USP9Y: variants seen among roughly 807,000 people sequenced by gnomAD.
USP9Y encodes the protein ubiquitin specific peptidase 9 Y-linked, also known as ubiquitin carboxyl-terminal hydrolase 9Y.
In USP9Y, 41 loss-of-function variants were observed where a neutral mutation model predicts 53.1. The ratio of observed to expected loss-of-function variants is 0.77; its 90% CI spans 0.60 to 1.00. USP9Y has a LOEUF of 1.00. USP9Y is among the 50% of genes least tolerant of loss of function. USP9Y has a pLI of 0.00. For synonymous variants in USP9Y, 220 were observed against 173.7 expected, an observed-to-expected ratio of 1.27 and a Z score of -2.09; for missense variants, 567 against 535.8, an observed-to-expected ratio of 1.06 and a Z score of -0.58.
intron 12 of USP9Y, among the ~76,000 whole-genome samples, chrY:12,755,680 C>A (rs746317868): frequency 0.011 from 365 of 33,494 alleles, no homozygotes; most frequent in Non-Finnish European, 7.6e-3. Flanking sequence ...TAACATCTGT[C>A]GTTTTTGTGT....
intron 15 of USP9Y, among the ~76,000 whole-genome samples, chrY:12,761,567 A>G: frequency 3.0e-5 from 1 of 33,344 alleles, no homozygotes; most frequent in African/African-American, 1.2e-4. Context: ...TAGGCTTTCT[A>G]CATGTATAGT....
At chrY:12,785,364 C>T in intron 22 of USP9Y, among the ~76,000 whole-genome samples, 1 of 32,976 alleles carries the variant, frequency 3.0e-5, no homozygotes, top group Non-Finnish European at 7.5e-5. Context: ...TAATATAGTG[C>T]GGTTTGTGTA....
intron 12 of USP9Y, among the ~76,000 whole-genome samples, chrY:12,751,161 C>T: frequency 9.6e-5 from 3 of 31,293 alleles, no homozygotes; most frequent in African/African-American, 3.8e-4. Flanking sequence ...GTGCCTGCAA[C>T]CATGCCTGGC....
chrY:12,859,151 CT>C (rs2053580783), intron 45 of USP9Y, 127 bp from the exon 46 acceptor site: 9 of 93,597 alleles, frequency 9.6e-5, no homozygotes, highest in South Asian at 4.7e-4. Context: ...ATTGTAAGTT[CT>C]TTTTTTTTTT....
intron 33 of USP9Y, 45 bp downstream of exon 33, chrY:12,818,655 A>G: frequency 1.5e-5 from 5 of 323,721 alleles, no homozygotes; most frequent in Non-Finnish European, 2.3e-5. Context: ...AAAAACCTCA[A>G]TACAGTAAAC....
Position 12,860,300 on chromosome Y carries a change from A to G in USP9Y, c.*884A>G, listed in dbSNP as rs2053582988. 1 of 33,209 alleles carries G rather than the reference A, an allele frequency of 3.0e-5. No individual in the cohort carries two copies. Among genetic ancestry groups the G allele is most frequent in the South Asian group, 6.6e-4 (1 of 1,511 alleles). 8.3% of individuals were successfully genotyped at this position (33,209 alleles called of 400,897 possible). On this transcript the variant is annotated 3_prime_UTR_variant, in exon 46 of 46. Transcript: ENST00000338981. ...TTTAAAATATTAAAACCAATACACA[A>G]AATTTTCCTATGTCAGAATGTGGTG...
At chrY:12,727,443 C>T (rs552404546) in intron 7 of USP9Y, among the ~76,000 whole-genome samples, 75 of 33,023 alleles carry the variant, frequency 2.3e-3, no homozygotes, top group African/African-American at 8.0e-3. Flanking sequence ...AATCTAATTA[C>T]ACATCAAAAA....
At chrY:12,736,675 C>A in intron 10 of USP9Y, 126 bp downstream of exon 10, 1 of 152,045 alleles carries the variant, frequency 6.6e-6, no homozygotes, top group Non-Finnish European at 1.1e-5. Flanking sequence ...ATTGTAAGAT[C>A]TTTTTATAAT....
chrY:12,822,623 C>A (rs2053542884), intron 33 of USP9Y, among the ~76,000 whole-genome samples: 1 of 33,482 alleles, frequency 3.0e-5, no homozygotes, highest in Non-Finnish European at 7.4e-5. Context: ...CCTTGGCCTC[C>A]CAAAGTGCTG....
chrY:12,732,296 G>T, intron 7 of USP9Y, among the ~76,000 whole-genome samples: 1 of 32,997 alleles, frequency 3.0e-5, no homozygotes, highest in East Asian at 8.0e-4. Flanking sequence ...GATGTCTTCT[G>T]TTGAGCCCAT....
chrY:12,814,783 C>T (rs2148289447), intron 31 of USP9Y, among the ~76,000 whole-genome samples: 1 of 33,172 alleles, frequency 3.0e-5, no homozygotes, highest in Admixed American at 2.8e-4. Flanking sequence ...ACACACCTGT[C>T]AGCACATGAA....
intron 3 of USP9Y, among the ~76,000 whole-genome samples, chrY:12,719,787 G>GT (rs1256104244): frequency 6.4e-3 from 132 of 20,510 alleles, no homozygotes; most frequent in East Asian, 0.014. Flanking sequence ...CATTAAATTT[G>GT]TTTTTTTTTT....
Position 12,789,424 on chromosome Y carries a change from G to C in USP9Y, c.3562-983G>C. On this transcript the variant is annotated intron_variant, in intron 24 of 45. Coordinates refer to ENST00000338981, the MANE Select transcript of USP9Y (RefSeq NM_004654.4). ...AGGGGTGAAGATCACTTGAGGTCAAGAGTCCAAGACCAGCCTGGTCAGCAT... is the reference window on the plus strand; with the variant it reads ...AGGGGTGAAGATCACTTGAGGTCAACAGTCCAAGACCAGCCTGGTCAGCAT... 1.2e-4 allele frequency among the ~76,000 whole-genome samples: 4 copies of C among 33,083 alleles called. No homozygotes were observed. In the Middle Eastern group the frequency reaches 0.041, roughly 335 times the overall value. The allele number at this position is 33,083 out of a possible 37,273, so 88.8% of individuals were successfully genotyped here. A position where few individuals can be genotyped will look rare whatever the true frequency, so the allele number is the denominator to read the frequency against.
rs58915173 is a variant in USP9Y, at chrY:12,859,330, A to T, written c.7582A>T (p.Asn2528Tyr). ...PYTGPAAHHL[N>Y]NPQKTGQRTQ... The stretch of plus-strand genomic sequence containing the variant: ...TACAGGACCAGCAGCACATCACTTG[A>T]ACAACCCTCAGAAAACAGGCCAACG... Residue 2528 changes from asparagine (N) to tyrosine (Y), a missense_variant, in exon 46 of 46, where the codon AAC (asparagine) becomes TAC (tyrosine). Physicochemically the swap from Asn to Tyr is moderately radical, Grantham distance 143 (BLOSUM62 -2). Coordinates refer to ENST00000338981, the MANE Select transcript of USP9Y (RefSeq NM_004654.4). The T allele has an allele frequency of 1.2e-4, 46 of 396,116 alleles. No homozygotes were observed. Among genetic ancestry groups the T allele is most frequent in the Non-Finnish European group, 1.2e-4 (34 of 282,824 alleles).
chrY:12,850,302 A>AT (rs2053570595), intron 42 of USP9Y, among the ~76,000 whole-genome samples: 2 of 30,529 alleles, frequency 6.6e-5, no homozygotes, highest in Non-Finnish European at 1.6e-4. Context: ...TCCCTTTATC[A>AT]TTTTTTATTG....
At chrY:12,713,236 T>C in intron 3 of USP9Y, among the ~76,000 whole-genome samples, 1 of 25,650 alleles carries the variant, frequency 3.9e-5, no homozygotes, top group South Asian at 1.0e-3. Context: ...GCTCTCACTA[T>C]GTTTCCCAGG....
chrY:12,814,304 G>A, intron 31 of USP9Y, among the ~76,000 whole-genome samples: 3 of 29,552 alleles, frequency 1.0e-4, no homozygotes, highest in African/African-American at 4.0e-4. Flanking sequence ...CGAGGCGGGC[G>A]GATCACGAGG....
chrY:12,796,937 G>A (rs1034056565), intron 27 of USP9Y, among the ~76,000 whole-genome samples: 14 of 33,276 alleles, frequency 4.2e-4, no homozygotes, highest in Admixed American at 3.8e-3. Flanking sequence ...GACTTAGAAT[G>A]CCTAACCCTC....
chrY:12,722,079 G>T, intron 4 of USP9Y, 29 bp from the exon 5 acceptor site: 1 of 355,473 alleles, frequency 2.8e-6, no homozygotes, highest in African/African-American at 6.8e-5. Flanking sequence ...AACCAGTAAA[G>T]CCTCTTTTTG....
Sources: gnomAD v4.1 joint callset for allele counts (sites outside exome capture counted in the v4.1 genomes callset) on GRCh38, gnomAD v4.1.1 for gene constraint, MANE v1.5 for transcripts, NCBI Gene and HGNC (gene_info 2026-07-23, HGNC 2026-07-21) for gene names.